Variants in MYOF observed in about 807,000 individuals in gnomAD.
MYOF encodes the protein myoferlin.
In MYOF, 244 loss-of-function variants were observed where a neutral mutation model predicts 284.2. That is an observed-to-expected ratio of 0.86 (90% CI 0.77 to 0.95). The LOEUF (loss-of-function observed/expected upper bound fraction) is 0.95, where lower values mean the gene tolerates loss of function less well. Among genes scored for constraint, MYOF ranks in the 40% least tolerant of loss-of-function variants. The pLI is 0.00. For synonymous variants in MYOF, 904 were observed against 919.7 expected, an observed-to-expected ratio of 0.98 and a Z score of 0.31; for missense variants, 2,496 against 2,560.6, an observed-to-expected ratio of 0.97 and a Z score of 0.54.
chr10:93,456,837 A>C (rs1346907554), intron 2 of MYOF, 45 bp downstream of exon 2: 2 of 1,417,576 alleles, frequency 1.4e-6, no homozygotes, highest in African/African-American at 1.4e-5. Flanking sequence ...GACAATCAGA[A>C]ATAGCTTATC....
chr10:93,432,838 A>G (rs1257895059), intron 3 of MYOF, among the ~76,000 whole-genome samples: 4 of 152,244 alleles, frequency 2.6e-5, no homozygotes, highest in Admixed American at 2.0e-4. Flanking sequence ...GTACCAGATT[A>G]TAGTAGATAC....
rs775970286 is a variant in MYOF at position 93,343,891 on chromosome 10, C to T, written c.4291G>A (p.Glu1431Lys). The change falls in exon 38 of 54, where the codon GAA becomes AAA. Residue 1431 changes from glutamate (E) to lysine (K), a missense_variant. Glu to Lys is a moderately conservative substitution (Grantham distance 56). This residue lies in a region of MYOF where 2,436 missense variants were observed against 2,480.7 expected (regional missense o/e 0.98). Transcript: ENST00000359263. Reference protein sequence around the residue: ...SAPPCRDIVIEMEDTKPLLAS... With the variant: ...SAPPCRDIVIKMEDTKPLLAS... Reference sequence around the variant, plus strand: ...AGTAATGGTTTGGTGTCTTCCATTTCGATAACGATGTCCCGGCATGGTGGG... The same window carrying T: ...AGTAATGGTTTGGTGTCTTCCATTTTGATAACGATGTCCCGGCATGGTGGG... The T allele has an allele frequency of 2.2e-5, 36 of 1,614,054 alleles. No individual in the cohort carries two copies. Among genetic ancestry groups the T allele is most frequent in the African/African-American group, 9.3e-5 (7 of 74,924 alleles).
chr10:93,324,663 G>A (rs1589387732), intron 46 of MYOF: 2 of 152,210 alleles, frequency 1.3e-5, no homozygotes, highest in Admixed American at 1.3e-4. Context: ...CAAAATAAAA[G>A]CAAGAAGGAA....
At chr10:93,449,985 A>AT (rs1173761379) in intron 3 of MYOF, among the ~76,000 whole-genome samples, 6 of 151,598 alleles carry the variant, frequency 4.0e-5, no homozygotes, top group African/African-American at 1.5e-4. Context: ...TGACCATCTA[A>AT]TTTACTGTAC....
chr10:93,409,812 G>A, intron 5 of MYOF, 73 bp from the exon 6 acceptor site: 3 of 1,562,464 alleles, frequency 1.9e-6, no homozygotes, highest in Non-Finnish European at 2.6e-6. Context: ...AGGTTTCCAG[G>A]ACACGGTTTT....
chr10:93,406,896 A>T (rs1847622458), intron 7 of MYOF, among the ~76,000 whole-genome samples: 1 of 152,092 alleles, frequency 6.6e-6, no homozygotes, highest in African/African-American at 2.4e-5. Flanking sequence ...GTAGGGAATG[A>T]AGAGGTAGTG....
chr10:93,394,443 C>CTTT (rs1193314228), intron 16 of MYOF, among the ~76,000 whole-genome samples: 7 of 58,860 alleles, frequency 1.2e-4, no homozygotes, highest in Non-Finnish European at 1.1e-4. Context: ...TGGTCACCAT[C>CTTT]TTGTCTTTTT....
chr10:93,389,224 T>C (rs1225986567), intron 17 of MYOF, 70 bp from the exon 18 acceptor site: 2 of 1,497,062 alleles, frequency 1.3e-6, no homozygotes, highest in African/African-American at 1.4e-5. Context: ...ATATTAGTTA[T>C]TAGTTAGTTA....
At chr10:93,425,652 G>C (rs1024484951) in intron 5 of MYOF, 2 of 180,768 alleles carry the variant, frequency 1.1e-5, no homozygotes, top group African/African-American at 4.7e-5. Flanking sequence ...ATGCCCATGA[G>C]ACTGGTGCTG....
chr10:93,356,744 G>C lies in MYOF; in HGVS notation c.3225C>G (p.Arg1075=). Reference sequence around the variant, plus strand: ...CTGAAGGAGCCATTTTTCTCCTCCAGCGTCTGCGGCGGAAGGTATCTGAAC... The same window carrying C: ...CTGAAGGAGCCATTTTTCTCCTCCACCGTCTGCGGCGGAAGGTATCTGAAC... The part of the protein sequence containing the change: ...QRSSDTFRRR[R]WRRKMAPSET... Residue 1075 remains arginine, a synonymous_variant, in exon 30 of 54, where the codon CGC becomes CGG. Coordinates refer to ENST00000359263, the MANE Select transcript of MYOF (RefSeq NM_013451.4). The C allele has an allele frequency of 1.9e-6, 3 of 1,614,162 alleles. No individual in the cohort carries two copies. Among genetic ancestry groups the C allele is most frequent in the Non-Finnish European group, 2.5e-6 (3 of 1,180,030 alleles).
intron 1 of MYOF, among the ~76,000 whole-genome samples, chr10:93,464,527 C>T (rs951673741): frequency 2.0e-5 from 3 of 152,272 alleles, no homozygotes; most frequent in East Asian, 1.9e-4. Context: ...GCACAGATGT[C>T]GGCCCAGCCC....
In MYOF at chr10:93,328,886, G is replaced by A. The variant is rs373244202; in HGVS notation, c.5008C>T (p.Gln1670Ter). 2.5e-6 allele frequency: 4 copies of A among 1,612,086 alleles called. No individual in the cohort carries two copies. The highest frequency in any genetic ancestry group is 3.4e-6 in the Non-Finnish European group (4 of 1,178,576). Residue 1670 changes from glutamine to a stop codon, truncating the protein, a stop_gained, in exon 45 of 54, where the codon CAA becomes TAA. Transcript: ENST00000359263. LOFTEE classifies it high-confidence loss of function. ...TGAAGCAGCTGTGTTGGTCTCAGTT[G>A]ATCTCGCCAGGTATTGACTCCAGAA... ...CVSGVNTWRD[Q>*]LRPTQLLQNV...
At chr10:93,325,033 C>T (rs1025215539) in intron 46 of MYOF, among the ~76,000 whole-genome samples, 1 of 152,168 alleles carries the variant, frequency 6.6e-6, no homozygotes, top group African/African-American at 2.4e-5. Flanking sequence ...CTGCCTCGAC[C>T]TCCCAAAGTG....
chr10:93,390,339 G>A (rs1159040713), intron 17 of MYOF, among the ~76,000 whole-genome samples: 1 of 152,182 alleles, frequency 6.6e-6, no homozygotes, highest in East Asian at 1.9e-4. Flanking sequence ...GCAGAAAAGA[G>A]CTGAATAGCA....
At chr10:93,478,193 A>T in intron 1 of MYOF, 1 of 339,764 alleles carries the variant, frequency 2.9e-6, no homozygotes, top group Non-Finnish European at 6.0e-6. Context: ...TTCTGTTTGG[A>T]GGACTGTTTG....
At position 93,408,878 on chromosome 10, in the gene MYOF, C is replaced by A; in HGVS notation, c.638G>T (p.Gly213Val). ...TTTGACCACAGGCCTTATGTTGTTA[C>A]CACTTAACTGTCGGCCCTCAATCAC... ...VRVIEGRQLS[G>V]NNIRPVVKVH... Residue 213 changes from glycine (G) to valine (V), a missense_variant, in exon 7 of 54, where the codon GGT becomes GTT. Gly to Val is a moderately radical substitution (Grantham distance 109). Coordinates refer to ENST00000359263, the MANE Select transcript of MYOF (RefSeq NM_013451.4). The A allele has an allele frequency of 6.2e-7, 1 of 1,614,196 alleles. No homozygotes were observed. Among genetic ancestry groups the A allele is most frequent in the African/African-American group, 1.3e-5 (1 of 75,050 alleles).
chr10:93,447,252 C>T (rs2056456495), intron 3 of MYOF, among the ~76,000 whole-genome samples: 1 of 152,150 alleles, frequency 6.6e-6, no homozygotes, highest in Non-Finnish European at 1.5e-5. Context: ...TCTCTCTTAG[C>T]TGAAAGAGCC....
chr10:93,328,005 A>T (rs1444073805), intron 45 of MYOF, among the ~76,000 whole-genome samples: 3 of 152,002 alleles, frequency 2.0e-5, no homozygotes, highest in Non-Finnish European at 2.9e-5. Flanking sequence ...CCTGACCTCA[A>T]ATGATCCACC....
At chr10:93,432,785 C>A (rs1231628811) in intron 3 of MYOF, among the ~76,000 whole-genome samples, 1 of 152,150 alleles carries the variant, frequency 6.6e-6, no homozygotes, top group African/African-American at 2.4e-5. Context: ...AAAGCCCCCT[C>A]GACTCAGGGA....
Sources: allele counts gnomAD v4.1 joint callset (sites outside exome capture counted in the v4.1 genomes callset), GRCh38; gene constraint gnomAD v4.1.1; regional missense constraint gnomAD v4.1.1; transcripts MANE v1.5; gene names NCBI Gene and HGNC (gene_info 2026-07-23, HGNC 2026-07-21).